Variants in MMRN1 observed in about 807,000 individuals in gnomAD.
MMRN1 encodes multimerin-1.
A neutral mutation model predicts 100.7 loss-of-function variants in MMRN1; 94 were observed. The ratio of observed to expected loss-of-function variants is 0.93; its 90% CI spans 0.79 to 1.11. The LOEUF is 1.11. Ranked by LOEUF, MMRN1 falls within the 50% of genes least tolerant of loss-of-function variation. The pLI is 0.00. For missense variants in MMRN1, 1,606 were observed against 1,439.1 expected (o/e 1.12, Z -1.88); for synonymous variants, 575 against 505.0 (o/e 1.14, Z -1.86).
chr4:89,942,136 A>G (rs1722850325), intron 6 of MMRN1, among the ~76,000 whole-genome samples: 1 of 152,122 alleles, frequency 6.6e-6, no homozygotes, highest in Non-Finnish European at 1.5e-5. Flanking sequence ...AGGAAATGGG[A>G]TGGAATTCCA....
chr4:89,929,633 G>C (rs1279267722), intron 5 of MMRN1, among the ~76,000 whole-genome samples: 1 of 152,098 alleles, frequency 6.6e-6, no homozygotes, highest in Non-Finnish European at 1.5e-5. Context: ...CTACTACAAA[G>C]ATTCTGGCAC....
intron 5 of MMRN1, among the ~76,000 whole-genome samples, chr4:89,929,390 C>T (rs868466601): frequency 6.6e-6 from 1 of 152,142 alleles, no homozygotes; most frequent in Middle Eastern, 3.4e-3. Flanking sequence ...ATTGCTGCTA[C>T]TCAACCACTA....
At chr4:89,898,228 G>A (rs1028284620) in intron 1 of MMRN1, among the ~76,000 whole-genome samples, 7 of 151,918 alleles carry the variant, frequency 4.6e-5, no homozygotes, top group African/African-American at 9.7e-5. Flanking sequence ...CACTTATATG[G>A]CATCTGTTAC....
At chr4:89,891,905 A>G (rs1721063899), upstream of MMRN1, among the ~76,000 whole-genome samples, 1 of 152,036 alleles carries the variant, frequency 6.6e-6, no homozygotes, top group Admixed American at 6.6e-5. Context: ...AACATTTTAC[A>G]AAGAATAAGT....
chr4:89,911,897 A>T, intron 2 of MMRN1, 47 bp from the exon 3 acceptor site: 2 of 1,272,544 alleles, frequency 1.6e-6, no homozygotes, highest in Non-Finnish European at 2.3e-6. Flanking sequence ...CTGATAATTT[A>T]ATGTGAAACA....
In MMRN1 at chr4:89,895,544, C is replaced by T. The variant is rs1721175051; in HGVS notation, c.573C>T (p.Ser191=). The T allele has an allele frequency of 6.2e-7, 1 of 1,613,588 alleles. No individual in the cohort carries two copies. Among genetic ancestry groups the T allele is most frequent in the African/African-American group, 1.3e-5 (1 of 74,902 alleles). Residue 191 remains serine (S), a synonymous_variant, in exon 1 of 8, where the codon TCC becomes TCT. Coordinates refer to ENST00000264790, the MANE Select transcript of MMRN1 (RefSeq NM_007351.3). ...ACCTCAGCCGGGGTGACAGCAGTTC[C>T]AGCCAAAGAACTGACTACCAAAAAT... ...ETYLSRGDSS[S]SQRTDYQKSN...
At chr4:89,939,174 A>G (rs1722746923) in intron 6 of MMRN1, among the ~76,000 whole-genome samples, 1 of 152,232 alleles carries the variant, frequency 6.6e-6, no homozygotes, top group Admixed American at 6.5e-5. Context: ...GGTGGGACAC[A>G]CTGTTTAAAT....
chr4:89,919,987 G>A (rs1722037888), intron 3 of MMRN1, among the ~76,000 whole-genome samples: 2 of 152,044 alleles, frequency 1.3e-5, no homozygotes, highest in South Asian at 4.1e-4. Flanking sequence ...CAAAATCTAT[G>A]CACTGCCTGA....
chr4:89,903,113 G>A (rs909132803), intron 1 of MMRN1, among the ~76,000 whole-genome samples: 7 of 151,698 alleles, frequency 4.6e-5, no homozygotes, highest in African/African-American at 7.3e-5. Context: ...TTTTCACTAA[G>A]TGTAAATTAT....
At chr4:89,886,170 C>T (rs1720933434) in intron 1 of MMRN1, among the ~76,000 whole-genome samples, 1 of 151,536 alleles carries the variant, frequency 6.6e-6, no homozygotes, top group Non-Finnish European at 1.5e-5. Flanking sequence ...AGATTACAAG[C>T]GTGAACCACT....
At chr4:89,923,138 T>G in intron 3 of MMRN1, 30 bp from the exon 4 acceptor site, 1 of 1,581,096 alleles carries the variant, frequency 6.3e-7, no homozygotes, top group Non-Finnish European at 8.7e-7. Context: ...AGTGCTTAAC[T>G]GTCTCTCTTC....
At chr4:89,946,573 G>T (rs939885332) in intron 6 of MMRN1, among the ~76,000 whole-genome samples, 1 of 152,118 alleles carries the variant, frequency 6.6e-6, no homozygotes, top group Non-Finnish European at 1.5e-5. Context: ...TTCTGAATGA[G>T]CACTGAGGAA....
intron 3 of MMRN1, among the ~76,000 whole-genome samples, chr4:89,914,960 A>C (rs1050315532): frequency 2.6e-5 from 4 of 151,576 alleles, no homozygotes; most frequent in East Asian, 1.9e-4. Flanking sequence ...CAGATCCTTT[A>C]TAGGAAAAAG....
At position 89,936,610 on chromosome 4, in the gene MMRN1, C is replaced by A. The variant is rs150440229; in HGVS notation, c.2930C>A (p.Ala977Asp). 1.2e-6 allele frequency: 2 copies of A among 1,612,110 alleles called. No homozygotes were observed. The highest frequency in any genetic ancestry group is 1.1e-5 in the South Asian group (1 of 90,588). The change falls in exon 6 of 8, where the codon GCT (alanine) becomes GAT (aspartate). Residue 977 changes from alanine (A) to aspartate (D), a missense_variant. Ala to Asp is a moderately radical substitution (Grantham distance 126, BLOSUM62 -2). Coordinates refer to ENST00000264790, the MANE Select transcript of MMRN1 (RefSeq NM_007351.3). ...VEPIIQIKTQ[A>D]ALSNLTCCID... ...CCAATAATTCAAATAAAAACTCAAG[C>A]TGCCCTATCTAATTTAACTTGTTGT...
intron 1 of MMRN1, among the ~76,000 whole-genome samples, chr4:89,899,799 C>G (rs1166543095): frequency 1.3e-5 from 2 of 151,944 alleles, no homozygotes; most frequent in African/African-American, 4.8e-5. Context: ...TGTTACACCT[C>G]TAATACATCC....
intron 3 of MMRN1, among the ~76,000 whole-genome samples, chr4:89,916,856 T>C (rs894865198): frequency 1.3e-5 from 2 of 151,798 alleles, no homozygotes; most frequent in African/African-American, 4.8e-5. Flanking sequence ...ATGAATGATA[T>C]ATGTCTCAAA....
chr4:89,940,962 G>A (rs2110643286), intron 6 of MMRN1, among the ~76,000 whole-genome samples: 1 of 152,086 alleles, frequency 6.6e-6, no homozygotes, highest in South Asian at 2.1e-4. Context: ...ATCATGCAAT[G>A]ATAAATCAAA....
chr4:89,948,583 TTG>T (rs1215677138), intron 6 of MMRN1, among the ~76,000 whole-genome samples: 1 of 152,166 alleles, frequency 6.6e-6, no homozygotes, highest in African/African-American at 2.4e-5. Context: ...TACTTAATGC[TTG>T]TGTTATCTTG....
Position 89,936,308 on chromosome 4 carries a change from T to A in MMRN1, c.2628T>A (p.Tyr876Ter), listed in dbSNP as rs139279179. 1.2e-6 allele frequency: 2 copies of A among 1,612,628 alleles called. No individual in the cohort carries two copies. Among genetic ancestry groups the A allele is most frequent in the African/African-American group, 2.7e-5 (2 of 74,960 alleles). ...AAGTTACCCAGACGCTCATACCTTA[T>A]TATATTTCAGTTAAAAAAGGCAGTG... The part of the protein sequence containing the change: ...ESKVTQTLIP[Y>*]YISVKKGSVV... The change falls in exon 6 of 8, where the codon TAT (tyrosine) becomes TAA (stop). Residue 876 changes from tyrosine (Y) to a stop codon, truncating the protein, a stop_gained. Transcript: ENST00000264790. LOFTEE classifies it high-confidence loss of function.
Sources: gnomAD v4.1 joint callset for allele counts (sites outside exome capture counted in the v4.1 genomes callset) on GRCh38, gnomAD v4.1.1 for gene constraint, MANE v1.5 for transcripts, NCBI Gene and HGNC (gene_info 2026-07-23, HGNC 2026-07-21) for gene names.